SLC24A2: variants seen among roughly 807,000 people sequenced by gnomAD.
SLC24A2 encodes solute carrier family 24 member 2, also known as sodium/potassium/calcium exchanger 2.
Under a neutral mutation model 62.0 loss-of-function variants are expected in SLC24A2, and 36 were observed. The ratio of observed to expected loss-of-function variants is 0.58; its 90% CI spans 0.44 to 0.77. The LOEUF is 0.77. SLC24A2 is among the 30% of genes least tolerant of loss of function. SLC24A2 has a pLI of 0.00. For synonymous variants in SLC24A2, 358 were observed against 294.0 expected (o/e 1.22, Z -2.23); for missense variants, 846 against 817.9 (o/e 1.03, Z -0.42).
rs574657712 is a variant in SLC24A2 at position 19,542,026 on chromosome 9, C to A, written c.1479+8111G>T. On this transcript the variant is annotated intron_variant, in intron 8 of 10. Coordinates refer to ENST00000341998, the MANE Select transcript of SLC24A2 (RefSeq NM_020344.4). ...CGGAAAGGGAACTCCCTGACCCTTG[C>A]GCTTCCCAGGTGAGGCAATGCCTCG... 1.1e-4 allele frequency among the ~76,000 whole-genome samples: 17 copies of A among 152,340 alleles called. No homozygotes were observed. In the East Asian group the frequency reaches 2.9e-3, roughly 26 times the overall value.
At chr9:20,055,056 C>A in the SLC24A2 span, among the ~76,000 whole-genome samples, 1 of 152,022 alleles carries the variant, frequency 6.6e-6, no homozygotes, top group African/African-American at 2.4e-5. Context: ...GTGAATATGA[C>A]AAGCAAAAAA....
At chr9:19,590,677 A>G (rs1031526730) in intron 5 of SLC24A2, among the ~76,000 whole-genome samples, 2 of 152,046 alleles carry the variant, frequency 1.3e-5, no homozygotes, top group Admixed American at 6.6e-5. Flanking sequence ...GCCCTGCAAC[A>G]CCTGGCTCCT....
At chr9:19,766,263 G>T (rs1025844274) in intron 2 of SLC24A2, among the ~76,000 whole-genome samples, 1 of 152,168 alleles carries the variant, frequency 6.6e-6, no homozygotes, top group African/African-American at 2.4e-5. Context: ...GCCTGGAGGA[G>T]TTTGTTATTA....
At chr9:19,794,458 A>G in the SLC24A2 span, among the ~76,000 whole-genome samples, 3 of 151,868 alleles carry the variant, frequency 2.0e-5, no homozygotes, top group Admixed American at 2.0e-4. Flanking sequence ...CTTGAGGGGG[A>G]AGTGTGGGAG....
chr9:20,180,158 A>G, the SLC24A2 span, among the ~76,000 whole-genome samples: 1 of 152,188 alleles, frequency 6.6e-6, no homozygotes, highest in African/African-American at 2.4e-5. Context: ...ACAATTTACT[A>G]GGAAGATTGT....
chr9:20,267,651 C>T, the SLC24A2 span, among the ~76,000 whole-genome samples: 1 of 152,214 alleles, frequency 6.6e-6, no homozygotes, highest in Non-Finnish European at 1.5e-5. Flanking sequence ...AAGCCCAGCA[C>T]TGTGTCTGCC....
At chr9:19,950,203 T>A in the SLC24A2 span, among the ~76,000 whole-genome samples, 1 of 152,226 alleles carries the variant, frequency 6.6e-6, no homozygotes, top group Non-Finnish European at 1.5e-5. Context: ...AGGATATTAA[T>A]AATATCTTCC....
At chr9:20,049,564 C>A in the SLC24A2 span, among the ~76,000 whole-genome samples, 1 of 151,230 alleles carries the variant, frequency 6.6e-6, no homozygotes, top group Admixed American at 6.6e-5. Flanking sequence ...TTGTTTCAGT[C>A]ATGGTCAAAC....
intron 10 of SLC24A2, among the ~76,000 whole-genome samples, chr9:19,520,480 T>C (rs557785779): frequency 6.6e-6 from 1 of 152,274 alleles, no homozygotes; most frequent in Admixed American, 6.5e-5. Flanking sequence ...AGGATATGTA[T>C]GGTAGGCCTA....
At chr9:19,747,643 G>C (rs1237394809) in intron 2 of SLC24A2, among the ~76,000 whole-genome samples, 2 of 152,112 alleles carry the variant, frequency 1.3e-5, no homozygotes, top group African/African-American at 4.8e-5. Context: ...GTCTTACCTG[G>C]AAATTAACTT....
chr9:19,854,810 T>G, the SLC24A2 span, among the ~76,000 whole-genome samples: 1 of 152,210 alleles, frequency 6.6e-6, no homozygotes, highest in Non-Finnish European at 1.5e-5. Context: ...TCAGGTCCAC[T>G]TGATCCAGAG....
chr9:19,903,369 A>C, the SLC24A2 span, among the ~76,000 whole-genome samples: 2 of 152,148 alleles, frequency 1.3e-5, no homozygotes, highest in Middle Eastern at 3.2e-3. Flanking sequence ...TCCTCTTCTT[A>C]TAAGGACACC....
At chr9:19,779,001 TA>T (rs1283213713) in intron 2 of SLC24A2, among the ~76,000 whole-genome samples, 1 of 152,098 alleles carries the variant, frequency 6.6e-6, no homozygotes, top group Non-Finnish European at 1.5e-5. Flanking sequence ...AAATGAATAA[TA>T]TAACTAAAAT....
At chr9:19,740,133 G>A (rs1821628653) in intron 2 of SLC24A2, among the ~76,000 whole-genome samples, 1 of 137,062 alleles carries the variant, frequency 7.3e-6, no homozygotes, top group Non-Finnish European at 1.6e-5. Context: ...AACTGGTGAA[G>A]GTAAAATAGT....
At chr9:19,875,310 A>C in the SLC24A2 span, among the ~76,000 whole-genome samples, 1 of 152,192 alleles carries the variant, frequency 6.6e-6, no homozygotes, top group Admixed American at 6.5e-5. Context: ...TCATTTCTTC[A>C]TAAAGTCATT....
chr9:19,853,217 A>G, the SLC24A2 span, among the ~76,000 whole-genome samples: 1 of 152,196 alleles, frequency 6.6e-6, no homozygotes, highest in Non-Finnish European at 1.5e-5. Context: ...GGCTGAGATG[A>G]TGGGGTTTTC....
the SLC24A2 span, among the ~76,000 whole-genome samples, chr9:19,888,277 G>T: frequency 6.6e-6 from 1 of 152,130 alleles, no homozygotes; most frequent in Admixed American, 6.5e-5. Flanking sequence ...CCATTCCTAA[G>T]TAGGTGCAAA....
At chr9:19,637,819 T>C (rs573719968) in intron 2 of SLC24A2, among the ~76,000 whole-genome samples, 3 of 152,308 alleles carry the variant, frequency 2.0e-5, no homozygotes, top group African/African-American at 7.2e-5. Flanking sequence ...CCATTTCCCA[T>C]CACACTTTGT....
chr9:19,516,015 C>T lies in SLC24A2; in HGVS notation c.*138G>A, dbSNP rs1377926364. 12 of 1,054,104 alleles carry T rather than the reference C, an allele frequency of 1.1e-5. No individual in the cohort carries two copies. The highest frequency in any genetic ancestry group is 1.8e-5 in the Non-Finnish European group (12 of 676,782). 65.3% of individuals were successfully genotyped at this position (1,054,104 alleles called of 1,614,324 possible). A position where few individuals can be genotyped will look rare whatever the true frequency, so the allele number is the denominator to read the frequency against. ...GAATGGGCCCAGTGTGAATCCATCTCTCCTCAAATTCACCAAGGAGGGACA... is the reference window on the plus strand; with the variant it reads ...GAATGGGCCCAGTGTGAATCCATCTTTCCTCAAATTCACCAAGGAGGGACA... On this transcript the variant is annotated 3_prime_UTR_variant, in exon 11 of 11. Coordinates refer to ENST00000341998, the MANE Select transcript of SLC24A2 (RefSeq NM_020344.4).
Sources: allele counts gnomAD v4.1 joint callset (sites outside exome capture counted in the v4.1 genomes callset), GRCh38; gene constraint gnomAD v4.1.1; transcripts MANE v1.5; gene names NCBI Gene and HGNC (gene_info 2026-07-23, HGNC 2026-07-21).